Variants in FLT1 observed in about 807,000 individuals in gnomAD.
The protein encoded by FLT1 is fms related receptor tyrosine kinase 1.
Under a neutral mutation model 156.3 loss-of-function variants are expected in FLT1, and 49 were observed. That is an observed-to-expected ratio of 0.31 (90% CI 0.25 to 0.40). The LOEUF is 0.40. Ranked by LOEUF, FLT1 falls within the 10% of genes least tolerant of loss-of-function variation. FLT1 has a pLI of 1.00. For synonymous variants in FLT1, 594 were observed against 583.8 expected, an observed-to-expected ratio of 1.02 and a Z score of -0.25; for missense variants, 1,322 against 1,637.2, an observed-to-expected ratio of 0.81 and a Z score of 3.32.
At chr13:28,306,105 C>T (rs1380491575) in intron 29 of FLT1, among the ~76,000 whole-genome samples, 7 of 152,142 alleles carry the variant, frequency 4.6e-5, no homozygotes, top group East Asian at 1.9e-4. Flanking sequence ...CAGTGGCATT[C>T]GGTGGTGCAT....
intron 25 of FLT1, among the ~76,000 whole-genome samples, chr13:28,313,456 G>A (rs756346451): frequency 1.4e-4 from 22 of 152,146 alleles, no homozygotes; most frequent in Non-Finnish European, 2.6e-4. Context: ...TTTATTATAT[G>A]TTAACTCTTC....
chr13:28,395,147 C>G (rs1874968855), intron 12 of FLT1, among the ~76,000 whole-genome samples: 1 of 152,180 alleles, frequency 6.6e-6, no homozygotes, highest in South Asian at 2.1e-4. Flanking sequence ...CCTCTCAGGT[C>G]ATCATGAAAG....
chr13:28,363,941 T>C (rs573445123), intron 14 of FLT1, among the ~76,000 whole-genome samples: 1 of 152,312 alleles, frequency 6.6e-6, no homozygotes, highest in Admixed American at 6.5e-5. Context: ...ATGATTGATG[T>C]GAAATGGTAT....
chr13:28,369,518 C>T (rs1013736884), intron 14 of FLT1, among the ~76,000 whole-genome samples: 1 of 151,992 alleles, frequency 6.6e-6, no homozygotes, highest in Non-Finnish European at 1.5e-5. Flanking sequence ...GAACGAGACT[C>T]CATCTCCAAA....
rs1379280273 is a variant in FLT1 at position 28,427,171 on chromosome 13, T to C, written c.1424A>G (p.His475Arg). ...KWFWHPCNHN[H>R]SEARCDFCSN... ...TGACTGTCCCTACCTTGCTTCGGAA[T>C]GATTATGGTTACAGGGGTGCCAGAA... Residue 475 changes from histidine to arginine, a missense_variant, in exon 10 of 30, where the codon CAT becomes CGT. Around this residue, in one of 3 missense-constraint regions of FLT1, gnomAD observed 991 missense variants for 1,254.8 expected, o/e 0.79. Transcript: ENST00000282397. The C allele has an allele frequency of 6.2e-7, 1 of 1,614,042 alleles. No homozygotes were observed. The highest frequency in any genetic ancestry group is 1.7e-5 in the Admixed American group (1 of 60,018).
At position 28,334,074 on chromosome 13, in the gene FLT1, G is replaced by C; in HGVS notation, c.2544C>G (p.Gly848=). 1 of 1,613,856 alleles carries C rather than the reference G, an allele frequency of 6.2e-7. No homozygotes were observed. The highest frequency in any genetic ancestry group is 8.5e-7 in the Non-Finnish European group (1 of 1,179,736). ...TCCGGCACGTAGGTGATTTCTTAAT[G>C]CCAAATGCTGATGCTTGAACCACTT... is the stretch of plus-strand genomic sequence containing the variant. ...FGKVVQASAF[G]IKKSPTCRTV... Residue 848 remains glycine (G), a synonymous_variant, in exon 18 of 30, where the codon GGC becomes GGG. Coordinates refer to ENST00000282397, the MANE Select transcript of FLT1 (RefSeq NM_002019.4).
At chr13:28,369,482 G>A (rs754693141) in intron 14 of FLT1, among the ~76,000 whole-genome samples, 1 of 152,136 alleles carries the variant, frequency 6.6e-6, no homozygotes, top group Non-Finnish European at 1.5e-5. Context: ...CCAAGATCAT[G>A]CCACTGTACT....
intron 15 of FLT1, among the ~76,000 whole-genome samples, chr13:28,349,181 T>G (rs911121289): frequency 3.3e-5 from 5 of 152,188 alleles, no homozygotes; most frequent in Admixed American, 6.5e-5. Context: ...GCCTGGCATA[T>G]AGTAGACATC....
chr13:28,417,055 C>T (rs1443108972), intron 10 of FLT1, among the ~76,000 whole-genome samples: 3 of 152,066 alleles, frequency 2.0e-5, no homozygotes. Context: ...TAGAAGACCA[C>T]CAATAATAAG....
chr13:28,450,554 A>C (rs2137584978), intron 3 of FLT1, among the ~76,000 whole-genome samples: 1 of 152,090 alleles, frequency 6.6e-6, no homozygotes, highest in East Asian at 1.9e-4. Context: ...GGAGAAAAGA[A>C]GGAAGGAGAG....
chr13:28,334,751 C>T (rs1356322796), intron 17 of FLT1, among the ~76,000 whole-genome samples: 1 of 152,148 alleles, frequency 6.6e-6, no homozygotes, highest in East Asian at 1.9e-4. Flanking sequence ...TGTTTCAACC[C>T]CAGAGAGGTA....
In FLT1 at chr13:28,438,236, A is replaced by G; in HGVS notation, c.498T>C (p.Thr166=). ...TCAAATTTACCTTTTTTAAAGTAAC[A>G]GTGATGTTAGGTGACGTAACCCGGC... ...IPCRVTSPNI[T]VTLKKFPLDT... The change falls in exon 4 of 30, where the codon ACT becomes ACC. Residue 166 remains threonine, a synonymous_variant. Transcript: ENST00000282397. 6.2e-7 allele frequency: 1 copy of G among 1,614,004 alleles called. No homozygotes were observed. Among genetic ancestry groups the G allele is most frequent in the Non-Finnish European group, 8.5e-7 (1 of 1,179,858 alleles).
intron 20 of FLT1, among the ~76,000 whole-genome samples, chr13:28,326,617 C>T (rs1451768204): frequency 2.0e-5 from 3 of 151,294 alleles, no homozygotes; most frequent in Non-Finnish European, 2.9e-5. Context: ...CCTCAGCCTC[C>T]CAGGCTCAAG....
intron 1 of FLT1, among the ~76,000 whole-genome samples, chr13:28,484,216 C>T (rs1048066432): frequency 3.9e-5 from 6 of 152,154 alleles, no homozygotes; most frequent in Admixed American, 2.6e-4. Flanking sequence ...ACTTCCAGGT[C>T]GTTCTGTGAG....
At chr13:28,351,796 A>G (rs529800085) in intron 15 of FLT1, among the ~76,000 whole-genome samples, 158 of 152,366 alleles carry the variant, frequency 1.0e-3, no homozygotes, top group African/African-American at 3.8e-3. Flanking sequence ...AACACCTTTT[A>G]GGTGACCCAC....
At chr13:28,482,114 T>C (rs971548545) in intron 1 of FLT1, among the ~76,000 whole-genome samples, 1 of 152,156 alleles carries the variant, frequency 6.6e-6, no homozygotes, top group Admixed American at 6.5e-5. Context: ...ATCAGGAGAA[T>C]TAAATTTAAT....
intron 3 of FLT1, among the ~76,000 whole-genome samples, chr13:28,459,673 C>T (rs1043738749): frequency 2.0e-5 from 3 of 152,186 alleles, no homozygotes; most frequent in African/African-American, 4.8e-5. Flanking sequence ...TTATTTTGGG[C>T]GCTTTCTTGT....
chr13:28,347,660 C>CA (rs1375442033), intron 15 of FLT1, among the ~76,000 whole-genome samples: 1 of 152,186 alleles, frequency 6.6e-6, no homozygotes, highest in Non-Finnish European at 1.5e-5. Flanking sequence ...CAGTTGGAGC[C>CA]AAGGTTTCCT....
At chr13:28,338,087 G>T (rs893064584) in intron 17 of FLT1, among the ~76,000 whole-genome samples, 70 of 152,010 alleles carry the variant, frequency 4.6e-4, no homozygotes, top group Non-Finnish European at 9.0e-4. Flanking sequence ...TGATTTCCAA[G>T]TTTCCTCCCC....
Sources: allele counts gnomAD v4.1 joint callset (sites outside exome capture counted in the v4.1 genomes callset), GRCh38; gene constraint gnomAD v4.1.1; regional missense constraint gnomAD v4.1.1; transcripts MANE v1.5; gene names NCBI Gene and HGNC (gene_info 2026-07-23, HGNC 2026-07-21).